Variants in SCAPER observed in about 807,000 individuals in gnomAD.
The protein encoded by SCAPER is S phase cyclin A-associated protein in the endoplasmic reticulum.
Under a neutral mutation model 182.2 loss-of-function variants are expected in SCAPER, and 98 were observed. The ratio of observed to expected loss-of-function variants is 0.54; its 90% CI spans 0.46 to 0.64. The LOEUF is 0.64. SCAPER is among the 30% of genes least tolerant of loss of function. The pLI, the probability that SCAPER is intolerant of heterozygous loss-of-function variation, is 0.00. For missense variants in SCAPER, 1,432 were observed against 1,690.0 expected (o/e 0.85, Z 2.68); for synonymous variants, 605 against 564.6 (o/e 1.07, Z -1.01).
chr15:76,550,880 C>T (rs747082782), intron 23 of SCAPER, among the ~76,000 whole-genome samples: 16 of 152,040 alleles, frequency 1.1e-4, no homozygotes, highest in Non-Finnish European at 2.4e-4. Context: ...TTTTAATAAT[C>T]GCCATTCTGA....
chr15:76,531,429 A>C (rs1002669436), intron 23 of SCAPER, among the ~76,000 whole-genome samples: 3 of 152,218 alleles, frequency 2.0e-5, no homozygotes, highest in African/African-American at 7.2e-5. Context: ...GGACAGTTAC[A>C]TCTTGATGGC....
intron 1 of SCAPER, among the ~76,000 whole-genome samples, chr15:76,886,423 T>C (rs910022888): frequency 9.9e-5 from 15 of 152,208 alleles, no homozygotes; most frequent in African/African-American, 3.6e-4. Context: ...GAGGTTGCAG[T>C]GAGCCAAGGT....
intron 20 of SCAPER, among the ~76,000 whole-genome samples, chr15:76,697,673 CTT>C (rs1464908639): frequency 2.0e-5 from 3 of 152,000 alleles, no homozygotes; most frequent in Non-Finnish European, 2.9e-5. Flanking sequence ...GAGTCTCACT[CTT>C]GTCGCCCAGG....
chr15:76,571,261 G>A (rs551321884), intron 23 of SCAPER, among the ~76,000 whole-genome samples: 2 of 152,180 alleles, frequency 1.3e-5, no homozygotes, highest in Admixed American at 6.6e-5. Flanking sequence ...TAAGAAAACT[G>A]CTTTCTTCCC....
intron 5 of SCAPER, among the ~76,000 whole-genome samples, chr15:76,813,126 T>C (rs1324978433): frequency 1.4e-5 from 2 of 147,076 alleles, no homozygotes; most frequent in Non-Finnish European, 3.0e-5. Context: ...AATCAATCAA[T>C]GAGATACAAC....
chr15:76,640,089 T>A (rs878923370), intron 21 of SCAPER, among the ~76,000 whole-genome samples: 21 of 152,204 alleles, frequency 1.4e-4, no homozygotes, highest in Admixed American at 7.9e-4. Flanking sequence ...GCAATAATAA[T>A]GGGCTTGATT....
intron 27 of SCAPER, among the ~76,000 whole-genome samples, chr15:76,389,815 C>CAAA (rs34780168): frequency 1.9e-4 from 18 of 95,520 alleles, no homozygotes; most frequent in African/African-American, 4.4e-4. Context: ...GACTCCGTCT[C>CAAA]AAAAAAAAAA....
chr15:76,366,066 G>T (rs1346566723), intron 29 of SCAPER, among the ~76,000 whole-genome samples: 2 of 149,302 alleles, frequency 1.3e-5, no homozygotes, highest in Admixed American at 6.7e-5. Context: ...TAAGAAAAGA[G>T]AACTGATTAC....
At chr15:76,783,604 T>G in intron 8 of SCAPER, among the ~76,000 whole-genome samples, 1 of 151,996 alleles carries the variant, frequency 6.6e-6, no homozygotes, top group East Asian at 1.9e-4. Context: ...TTTAGACCAA[T>G]CTCCCTGATG....
intron 17 of SCAPER, among the ~76,000 whole-genome samples, chr15:76,728,193 C>T (rs1242740895): frequency 2.1e-5 from 3 of 145,242 alleles, no homozygotes; most frequent in Non-Finnish European, 3.0e-5. Flanking sequence ...AGAGTGGCAA[C>T]ATGCTGACCA....
chr15:76,501,193 T>C (rs2041081996), intron 24 of SCAPER, among the ~76,000 whole-genome samples: 1 of 152,290 alleles, frequency 6.6e-6, no homozygotes, highest in East Asian at 1.9e-4. Flanking sequence ...TAACACATCC[T>C]GACCTAAGCC....
chr15:76,725,613 CA>C (rs1364353346), intron 17 of SCAPER, among the ~76,000 whole-genome samples: 8 of 151,982 alleles, frequency 5.3e-5, no homozygotes, highest in African/African-American at 1.9e-4. Context: ...CTACAGTAAT[CA>C]AAACAGTATG....
At position 76,795,267 on chromosome 15, in the gene SCAPER, C is replaced by A. The variant is rs754850748; in HGVS notation, c.772+13G>T. 7 of 1,600,764 alleles carry A rather than the reference C, an allele frequency of 4.4e-6. No individual in the cohort carries two copies. Among genetic ancestry groups the A allele is most frequent in the Non-Finnish European group, 6.0e-6 (7 of 1,172,666 alleles). ...TGTTTACTACACAAAATGGCTAATT[C>A]GAAGTCACTTGCCATTTTTGCGTGA... is the stretch of plus-strand genomic sequence containing the variant. On this transcript the variant is annotated intron_variant, in intron 8 of 31. Coordinates refer to ENST00000563290, the MANE Select transcript of SCAPER (RefSeq NM_020843.4).
intron 21 of SCAPER, among the ~76,000 whole-genome samples, chr15:76,631,649 T>C (rs528391476): frequency 6.6e-6 from 1 of 152,344 alleles, no homozygotes; most frequent in South Asian, 2.1e-4. Context: ...TCTGCTGAGA[T>C]GTCTGCTGTT....
At chr15:76,667,860 G>A (rs969029954) in intron 20 of SCAPER, among the ~76,000 whole-genome samples, 1 of 150,456 alleles carries the variant, frequency 6.6e-6, no homozygotes, top group Non-Finnish European at 1.5e-5. Flanking sequence ...CTACCTGGGA[G>A]GCTGAGGCAG....
chr15:76,637,722 T>TATATATATATATA, intron 21 of SCAPER, among the ~76,000 whole-genome samples: 1 of 77,870 alleles, frequency 1.3e-5, no homozygotes, highest in African/African-American at 4.8e-5. Flanking sequence ...ATATATGTGA[T>TATATATATATATA]TATATATATA....
chr15:76,682,626 G>A (rs567291049), intron 20 of SCAPER, among the ~76,000 whole-genome samples: 25 of 152,150 alleles, frequency 1.6e-4, no homozygotes, highest in African/African-American at 6.0e-4. Flanking sequence ...GCACCACCTC[G>A]AAAAAGCACT....
At chr15:76,367,388 C>A (rs138151415) in intron 29 of SCAPER, among the ~76,000 whole-genome samples, 1 of 152,192 alleles carries the variant, frequency 6.6e-6, no homozygotes, top group African/African-American at 2.4e-5. Flanking sequence ...ATTACAAACA[C>A]CCCCTCCATG....
intron 5 of SCAPER, among the ~76,000 whole-genome samples, chr15:76,830,428 T>C (rs1435095813): frequency 6.6e-6 from 1 of 152,156 alleles, no homozygotes; most frequent in Non-Finnish European, 1.5e-5. Context: ...CAGGGAGTCC[T>C]GTTAGAAGGC....
Sources: allele counts gnomAD v4.1 joint callset (sites outside exome capture counted in the v4.1 genomes callset), GRCh38; gene constraint gnomAD v4.1.1; transcripts MANE v1.5; gene names NCBI Gene and HGNC (gene_info 2026-07-23, HGNC 2026-07-21).